Variants in LNX1 observed in about 807,000 individuals in gnomAD.
LNX1 encodes ligand of numb-protein X 1.
In LNX1, 54 loss-of-function variants were observed where a neutral mutation model predicts 68.4. The ratio of observed to expected loss-of-function variants is 0.79; its 90% CI spans 0.63 to 0.99. LNX1 has a LOEUF of 0.99. Ranked by LOEUF, LNX1 falls within the 50% of genes least tolerant of loss-of-function variation. The pLI, the probability that LNX1 is intolerant of heterozygous loss-of-function variation, is 0.00. For missense variants in LNX1, 906 were observed against 926.4 expected (o/e 0.98, Z 0.29); for synonymous variants, 336 against 350.0 (o/e 0.96, Z 0.45).
At chr4:53,533,952 C>A (rs1027513703) in intron 2 of LNX1, among the ~76,000 whole-genome samples, 1 of 152,238 alleles carries the variant, frequency 6.6e-6, no homozygotes, top group Non-Finnish European at 1.5e-5. Flanking sequence ...CATGCACTGG[C>A]AGCCAACTGA....
chr4:53,564,612 G>T (rs1250333799), intron 2 of LNX1, among the ~76,000 whole-genome samples: 3 of 152,238 alleles, frequency 2.0e-5, no homozygotes, highest in East Asian at 3.9e-4. Flanking sequence ...GGACTTTGCA[G>T]ATGTAATTAA....
intron 2 of LNX1, among the ~76,000 whole-genome samples, chr4:53,561,522 G>T (rs1237568080): frequency 6.6e-6 from 1 of 152,044 alleles, no homozygotes; most frequent in Admixed American, 6.6e-5. Flanking sequence ...CACTGTGCCT[G>T]GCCCTCCGTG....
chr4:53,601,074 C>CAAGA (rs377014314), intron 2 of LNX1, among the ~76,000 whole-genome samples: 7 of 76,382 alleles, frequency 9.2e-5, no homozygotes, highest in African/African-American at 3.7e-4. Flanking sequence ...GAAGATTCTG[C>CAAGA]AAGAAAGAAA....
intron 3 of LNX1, 113 bp from the exon 4 acceptor site, chr4:53,507,582 G>A: frequency 2.5e-6 from 3 of 1,196,184 alleles, no homozygotes; most frequent in South Asian, 1.4e-5. Context: ...ACCTCTGGGT[G>A]GTAGGATTGT....
chr4:53,575,878 G>A, intron 1 of LNX1: 1 of 1,584,256 alleles, frequency 6.3e-7, no homozygotes, highest in Non-Finnish European at 8.6e-7. Flanking sequence ...GAAGTTTGTG[G>A]TCAGCAGCCT....
intron 2 of LNX1, among the ~76,000 whole-genome samples, chr4:53,571,182 G>A (rs922334090): frequency 1.3e-5 from 2 of 151,932 alleles, no homozygotes; most frequent in African/African-American, 4.8e-5. Flanking sequence ...ACCATGCCCA[G>A]CTAATTTTTA....
At chr4:53,478,431 T>C in intron 8 of LNX1, 134 bp downstream of exon 8, 2 of 754,964 alleles carry the variant, frequency 2.6e-6, no homozygotes, top group Non-Finnish European at 4.1e-6. Flanking sequence ...CCAATCATGG[T>C]CAATGGGTAA....
intron 2 of LNX1, among the ~76,000 whole-genome samples, chr4:53,562,815 G>T (rs1348392015): frequency 2.0e-5 from 3 of 152,168 alleles, no homozygotes; most frequent in Non-Finnish European, 2.9e-5. Context: ...ATGAGGTAAT[G>T]CATGTTGATT....
chr4:53,467,434 C>T (rs545033510), intron 9 of LNX1, among the ~76,000 whole-genome samples: 6 of 152,282 alleles, frequency 3.9e-5, no homozygotes, highest in African/African-American at 1.4e-4. Context: ...ATCAGAGCGC[C>T]TCTCCTCCTC....
intron 9 of LNX1, among the ~76,000 whole-genome samples, chr4:53,473,220 G>C (rs1349024138): frequency 2.0e-5 from 3 of 152,044 alleles, no homozygotes. Flanking sequence ...GACAACAGAA[G>C]AAATGAGCCA....
At chr4:53,647,840 C>T (rs1044820704) in intron 1 of LNX1, among the ~76,000 whole-genome samples, 47 of 152,360 alleles carry the variant, frequency 3.1e-4, no homozygotes, top group African/African-American at 1.1e-3. Flanking sequence ...GTAAGTACCG[C>T]ATGTAAGTGG....
At chr4:53,512,021 G>C (rs950636536) in intron 2 of LNX1, among the ~76,000 whole-genome samples, 2 of 152,120 alleles carry the variant, frequency 1.3e-5, no homozygotes, top group African/African-American at 4.8e-5. Flanking sequence ...AGCAAACATT[G>C]AGTCAACTCT....
intron 4 of LNX1, among the ~76,000 whole-genome samples, chr4:53,502,565 T>C (rs538707312): frequency 2.6e-5 from 4 of 152,294 alleles, no homozygotes; most frequent in African/African-American, 4.8e-5. Context: ...CTGATCACAG[T>C]GGTGGTTGCT....
At chr4:53,561,323 G>A (rs1027264439) in intron 2 of LNX1, among the ~76,000 whole-genome samples, 1 of 152,196 alleles carries the variant, frequency 6.6e-6, no homozygotes, top group African/African-American at 2.4e-5. Flanking sequence ...CGCCTCCCAG[G>A]TTCAAACGAT....
At chr4:53,503,738 C>A (rs1725665589) in intron 4 of LNX1, among the ~76,000 whole-genome samples, 2 of 152,304 alleles carry the variant, frequency 1.3e-5, no homozygotes, top group Non-Finnish European at 2.9e-5. Context: ...AACAAGAGAG[C>A]CAGCCTGTCC....
At chr4:53,577,937 T>G (rs1226096576) in intron 1 of LNX1, among the ~76,000 whole-genome samples, 1 of 152,222 alleles carries the variant, frequency 6.6e-6, no homozygotes, top group African/African-American at 2.4e-5. Context: ...AACAGTTCTT[T>G]GAATATTTAC....
At chr4:53,470,082 A>G (rs1208855281) in intron 9 of LNX1, among the ~76,000 whole-genome samples, 1 of 152,232 alleles carries the variant, frequency 6.6e-6, no homozygotes, top group Non-Finnish European at 1.5e-5. Flanking sequence ...CACCAATGCA[A>G]AAATCCTCAG....
chr4:53,642,533 A>T (rs543583085), intron 1 of LNX1, among the ~76,000 whole-genome samples: 1 of 152,056 alleles, frequency 6.6e-6, no homozygotes, highest in Non-Finnish European at 1.5e-5. Context: ...TACCCTGTAC[A>T]CTCTAAAGTC....
intron 1 of LNX1, among the ~76,000 whole-genome samples, chr4:53,632,206 A>G (rs1734305525): frequency 6.6e-6 from 1 of 152,158 alleles, no homozygotes; most frequent in African/African-American, 2.4e-5. Flanking sequence ...TGGAACTGAC[A>G]TCAGCACTTA....
Sources: gnomAD v4.1 joint callset for allele counts (sites outside exome capture counted in the v4.1 genomes callset) on GRCh38, gnomAD v4.1.1 for gene constraint, MANE v1.5 for transcripts, NCBI Gene and HGNC (gene_info 2026-07-23, HGNC 2026-07-21) for gene names.